OPCML: variants seen among roughly 807,000 people sequenced by gnomAD.
OPCML encodes the protein opioid binding protein/cell adhesion molecule like.
In OPCML, 13 loss-of-function variants were observed where a neutral mutation model predicts 37.8. The ratio of observed to expected loss-of-function variants is 0.34; its 90% CI spans 0.22 to 0.55. OPCML has a LOEUF of 0.55. Ranked by LOEUF, OPCML falls within the 20% of genes least tolerant of loss-of-function variation. OPCML has a pLI of 0.91. For missense variants in OPCML, 341 were observed against 435.6 expected (o/e 0.78, Z 1.93); for synonymous variants, 176 against 168.8 (o/e 1.04, Z -0.33).
intron 3 of OPCML, among the ~76,000 whole-genome samples, chr11:132,556,012 C>A (rs1455449618): frequency 7.2e-5 from 11 of 152,022 alleles, no homozygotes; most frequent in Non-Finnish European, 1.5e-5. Flanking sequence ...GATCATGGCC[C>A]ACTGCAGCCT....
At chr11:133,468,659 ACCTTGGCCCCAAGGGACAAT>A (rs1378645500) in intron 1 of OPCML, among the ~76,000 whole-genome samples, 3 of 152,212 alleles carry the variant, frequency 2.0e-5, no homozygotes, top group Admixed American at 2.0e-4. Context: ...CCTTGCGGGC[ACCTTGGCCCCAAGGGACAAT>A]AGGTTGCTTT....
rs563351935 is a variant in OPCML at position 132,579,715 on chromosome 11, C to T, written c.380-50529G>A. ...TGGGGACAAGTTGTTCTGAGAAAGA[C>T]GATCGAGCTCTGATAGACTGAGACA... On this transcript the variant is annotated intron_variant, in intron 3 of 7. Coordinates refer to ENST00000524381, the MANE Select transcript of OPCML (RefSeq NM_001012393.5). Among the ~76,000 whole-genome samples the T allele has an allele frequency of 1.8e-4, 27 of 152,214 alleles. No individual in the cohort carries two copies. The South Asian group carries it at 3.1e-3, about 18-fold the overall frequency.
At chr11:132,831,256 A>T (rs1356198579) in intron 2 of OPCML, among the ~76,000 whole-genome samples, 1 of 152,226 alleles carries the variant, frequency 6.6e-6, no homozygotes, top group Non-Finnish European at 1.5e-5. Context: ...CAATGAACAG[A>T]AGTCCAAACT....
At chr11:133,124,544 C>T (rs937623387) in intron 1 of OPCML, among the ~76,000 whole-genome samples, 1 of 152,086 alleles carries the variant, frequency 6.6e-6, no homozygotes, top group African/African-American at 2.4e-5. Flanking sequence ...CTCATTAAAG[C>T]CTGACATTTG....
chr11:132,426,230 T>A (rs1371603025), intron 7 of OPCML, among the ~76,000 whole-genome samples: 1 of 152,116 alleles, frequency 6.6e-6, no homozygotes, highest in Non-Finnish European at 1.5e-5. Flanking sequence ...AGACCAGATA[T>A]GGTTAAGAGA....
intron 1 of OPCML, among the ~76,000 whole-genome samples, chr11:133,083,076 C>T (rs564067889): frequency 6.1e-4 from 93 of 152,056 alleles, no homozygotes; most frequent in African/African-American, 2.0e-3. Flanking sequence ...CGCCCGGAAA[C>T]ACCGCCTGCG....
intron 1 of OPCML, among the ~76,000 whole-genome samples, chr11:133,359,438 C>T (rs1944365283): frequency 6.6e-6 from 1 of 152,192 alleles, no homozygotes; most frequent in Non-Finnish European, 1.5e-5. Flanking sequence ...CTATATATGA[C>T]TAGTGCTGAC....
chr11:132,685,433 T>C lies in OPCML; in HGVS notation c.147-28114A>G, dbSNP rs1350363933. Among the ~76,000 whole-genome samples, 3 of 152,204 alleles carry C rather than the reference T, an allele frequency of 2.0e-5. No individual in the cohort carries two copies. In the East Asian group the frequency reaches 5.8e-4, roughly 29 times the overall value. On this transcript the variant is annotated intron_variant, in intron 2 of 7. Coordinates refer to ENST00000524381, the MANE Select transcript of OPCML (RefSeq NM_001012393.5). ...GTAGCCTACATTTTCTTTGGTGCTA[T>C]CATTTTTCATGACACACCGGGTCAC...
chr11:132,993,030 C>T (rs1248214031), intron 1 of OPCML, among the ~76,000 whole-genome samples: 2 of 152,100 alleles, frequency 1.3e-5, no homozygotes, highest in African/African-American at 2.4e-5. Context: ...GAGTTTGTGC[C>T]GCAGTTCAGC....
chr11:133,134,806 G>A (rs993621706), intron 1 of OPCML, among the ~76,000 whole-genome samples: 2 of 152,272 alleles, frequency 1.3e-5, no homozygotes, highest in Admixed American at 6.6e-5. Context: ...AGGGCGCAGA[G>A]AGCTCCCTGC....
At chr11:133,024,943 C>A (rs1947523386) in intron 1 of OPCML, 5 of 985,284 alleles carry the variant, frequency 5.1e-6, no homozygotes, top group South Asian at 4.7e-5. Flanking sequence ...ATTCCTGAAC[C>A]AATGCGCACT....
intron 2 of OPCML, among the ~76,000 whole-genome samples, chr11:132,778,688 A>T (rs1227253404): frequency 6.6e-6 from 1 of 152,154 alleles, no homozygotes; most frequent in African/African-American, 2.4e-5. Context: ...GAATATGGAA[A>T]TAAAAACTGA....
rs377427366 is a variant in OPCML at position 132,919,083 on chromosome 11, T to C, written c.146+23843A>G. On this transcript the variant is annotated intron_variant, in intron 2 of 7. Transcript: ENST00000524381. ...CCATCAAACCCAGAAATAGGCAACATTTGAGAGTATAAGTAGATAGATAAT... is the reference window on the plus strand; with the variant it reads ...CCATCAAACCCAGAAATAGGCAACACTTGAGAGTATAAGTAGATAGATAAT... 1.6e-3 allele frequency among the ~76,000 whole-genome samples: 249 copies of C among 152,166 alleles called. 1 individual carries two copies. Among genetic ancestry groups the C allele is most frequent in the African/African-American group, 5.8e-3 (239 of 41,492 alleles).
At chr11:133,262,455 C>T (rs1338917304) in intron 1 of OPCML, among the ~76,000 whole-genome samples, 1 of 152,194 alleles carries the variant, frequency 6.6e-6, no homozygotes, top group African/African-American at 2.4e-5. Flanking sequence ...CACCATCTAA[C>T]AGGCATTCCT....
chr11:133,306,452 T>C (rs1261380034), intron 1 of OPCML, among the ~76,000 whole-genome samples: 1 of 152,284 alleles, frequency 6.6e-6, no homozygotes, highest in East Asian at 1.9e-4. Context: ...AAAATTGACA[T>C]TGGTTTCAAT....
At chr11:132,942,435 G>C (rs1233299106) in intron 2 of OPCML, among the ~76,000 whole-genome samples, 1 of 152,188 alleles carries the variant, frequency 6.6e-6, no homozygotes, top group Non-Finnish European at 1.5e-5. Flanking sequence ...GCTGGGTCTT[G>C]AGGAGACTCA....
intron 2 of OPCML, among the ~76,000 whole-genome samples, chr11:132,941,584 G>A (rs1328720036): frequency 6.6e-6 from 1 of 152,164 alleles, no homozygotes; most frequent in African/African-American, 2.4e-5. Flanking sequence ...AATGAAGTAG[G>A]GATATTACAT....
intron 2 of OPCML, among the ~76,000 whole-genome samples, chr11:132,876,153 G>A (rs1249860206): frequency 1.3e-5 from 2 of 152,172 alleles, no homozygotes; most frequent in African/African-American, 4.8e-5. Flanking sequence ...TTCAAGGAAG[G>A]AAAAAATTCA....
chr11:132,995,229 G>A (rs1205415514), intron 1 of OPCML, among the ~76,000 whole-genome samples: 4 of 152,196 alleles, frequency 2.6e-5, no homozygotes, highest in Non-Finnish European at 4.4e-5. Context: ...TAGGCAGACG[G>A]GAGTCAGAGG....
Sources: gnomAD v4.1 joint callset for allele counts (sites outside exome capture counted in the v4.1 genomes callset) on GRCh38, gnomAD v4.1.1 for gene constraint, MANE v1.5 for transcripts, NCBI Gene and HGNC (gene_info 2026-07-23, HGNC 2026-07-21) for gene names.